MACROD2: variants seen among roughly 807,000 people sequenced by gnomAD.
MACROD2 encodes the protein ADP-ribose glycohydrolase MACROD2.
A neutral mutation model predicts 70.4 loss-of-function variants in MACROD2; 36 were observed. That is an observed-to-expected ratio of 0.51 (90% CI 0.39 to 0.68). The LOEUF (loss-of-function observed/expected upper bound fraction) is 0.68, where lower values mean the gene tolerates loss of function less well. Among genes scored for constraint, MACROD2 ranks in the 30% least tolerant of loss-of-function variants. MACROD2 has a pLI of 0.00. For missense variants in MACROD2, 496 were observed against 538.4 expected (o/e 0.92, Z 0.78); for synonymous variants, 172 against 178.8 (o/e 0.96, Z 0.30).
intron 3 of MACROD2, among the ~76,000 whole-genome samples, chr20:14,167,088 C>T (rs911306488): frequency 2.0e-5 from 3 of 152,078 alleles, no homozygotes; most frequent in Non-Finnish European, 4.4e-5. Context: ...TCTTGATTTT[C>T]TGTTTTTTTT....
At chr20:15,852,417 T>C (rs2064309661) in intron 8 of MACROD2, among the ~76,000 whole-genome samples, 1 of 152,150 alleles carries the variant, frequency 6.6e-6, no homozygotes. Flanking sequence ...AATTTTAAAA[T>C]GCAAAAATGT....
chr20:14,663,232 A>G (rs1044240377), intron 4 of MACROD2, among the ~76,000 whole-genome samples: 1 of 152,110 alleles, frequency 6.6e-6, no homozygotes, highest in African/African-American at 2.4e-5. Flanking sequence ...ACACAGGAAC[A>G]GAAAACCAAA....
intron 5 of MACROD2, among the ~76,000 whole-genome samples, chr20:15,027,162 C>T (rs776423543): frequency 6.6e-6 from 1 of 152,056 alleles, no homozygotes; most frequent in Non-Finnish European, 1.5e-5. Context: ...AGAAAAAGAC[C>T]TTTACTTTCA....
chr20:14,495,629 A>G (rs6135159), intron 4 of MACROD2, among the ~76,000 whole-genome samples: 7 of 152,094 alleles, frequency 4.6e-5, no homozygotes, highest in Middle Eastern at 6.8e-3. Context: ...ATTTCTTTAA[A>G]TATATGTATG....
At chr20:15,080,439 C>T (rs1208169604) in intron 5 of MACROD2, among the ~76,000 whole-genome samples, 1 of 152,162 alleles carries the variant, frequency 6.6e-6, no homozygotes, top group Non-Finnish European at 1.5e-5. Context: ...TCCGAAACAC[C>T]TTGTTCCTTT....
At chr20:15,617,843 A>G (rs891151900) in intron 8 of MACROD2, among the ~76,000 whole-genome samples, 16 of 152,194 alleles carry the variant, frequency 1.1e-4, no homozygotes, top group African/African-American at 3.9e-4. Flanking sequence ...GAGGAAGTTC[A>G]GGGAAGGCTT....
intron 8 of MACROD2, among the ~76,000 whole-genome samples, chr20:15,599,850 A>G (rs1227458653): frequency 6.6e-6 from 1 of 152,126 alleles, no homozygotes; most frequent in Admixed American, 6.5e-5. Flanking sequence ...ACAGAACTCC[A>G]ATTAATCAGT....
rs114279690 is a variant in MACROD2, at chr20:15,290,816, T to C, written c.540+60755T>C. Among the ~76,000 whole-genome samples the C allele has an allele frequency of 4.7e-3, 721 of 152,332 alleles. 2 individuals are homozygous for C. Among genetic ancestry groups the C allele is most frequent in the African/African-American group, 0.016 (664 of 41,560 alleles). On this transcript the variant is annotated intron_variant, in intron 6 of 17. Transcript: ENST00000684519. The stretch of plus-strand genomic sequence containing the variant: ...TTGGGGCCCTGAAATCATTTTGCAA[T>C]GCACCCATCCAGGCAGCCATCCATT...
intron 8 of MACROD2, among the ~76,000 whole-genome samples, chr20:15,831,277 G>A (rs2064053449): frequency 6.6e-6 from 1 of 152,180 alleles, no homozygotes; most frequent in East Asian, 1.9e-4. Flanking sequence ...TAATATCAAG[G>A]AAGGTCAGTC....
rs890911213 is a variant in MACROD2 at position 15,863,310 on chromosome 20, A to G, written c.727+484A>G. On this transcript the variant is annotated intron_variant, in intron 9 of 17. Coordinates refer to ENST00000684519, the MANE Select transcript of MACROD2 (RefSeq NM_001351661.2). ...TTTCTCACTCCAAATTTCAATGCCT[A>G]TAGTAGCACTTCTAGTGCAGTCTGA... Among the ~76,000 whole-genome samples the G allele has an allele frequency of 7.9e-5, 12 of 152,270 alleles. No individual in the cohort carries two copies. The South Asian group carries it at 2.1e-3, about 26-fold the overall frequency.
chr20:14,919,935 C>T (rs1248708571), intron 5 of MACROD2, among the ~76,000 whole-genome samples: 1 of 152,184 alleles, frequency 6.6e-6, no homozygotes, highest in Non-Finnish European at 1.5e-5. Context: ...AGCAATCATT[C>T]TAGTCAGCTT....
At chr20:15,384,438 AT>A (rs1431561505) in intron 6 of MACROD2, among the ~76,000 whole-genome samples, 1 of 152,068 alleles carries the variant, frequency 6.6e-6, no homozygotes, top group African/African-American at 2.4e-5. Context: ...TTAGTTTTGT[AT>A]TTTTAGTAGA....
intron 7 of MACROD2, among the ~76,000 whole-genome samples, chr20:15,482,661 T>G (rs2047113543): frequency 6.6e-6 from 1 of 152,210 alleles, no homozygotes; most frequent in Non-Finnish European, 1.5e-5. Flanking sequence ...TCTAAAGGGC[T>G]GTAACATTTT....
chr20:14,353,097 G>C (rs933082376), intron 3 of MACROD2, among the ~76,000 whole-genome samples: 1 of 152,014 alleles, frequency 6.6e-6, no homozygotes, highest in African/African-American at 2.4e-5. Context: ...AAACAATATG[G>C]ATGTTGATTT....
At chr20:15,279,245 A>G (rs147166891) in intron 6 of MACROD2, among the ~76,000 whole-genome samples, 1 of 152,180 alleles carries the variant, frequency 6.6e-6, no homozygotes, top group Non-Finnish European at 1.5e-5. Flanking sequence ...CAAAAAGGTC[A>G]TGGCATTTTG....
At chr20:14,047,454 C>CAAA (rs11479438) in intron 2 of MACROD2, among the ~76,000 whole-genome samples, 18 of 99,126 alleles carry the variant, frequency 1.8e-4, no homozygotes, top group South Asian at 6.8e-4. Flanking sequence ...GACTCCGTCT[C>CAAA]AAAAAAAAAA....
At chr20:14,374,777 A>G (rs1205152593) in intron 3 of MACROD2, among the ~76,000 whole-genome samples, 4 of 152,180 alleles carry the variant, frequency 2.6e-5, no homozygotes, top group South Asian at 2.1e-4. Flanking sequence ...ATAAATAGGT[A>G]TCCTCACTCC....
intron 13 of MACROD2, among the ~76,000 whole-genome samples, chr20:15,978,573 T>A (rs2066345219): frequency 6.8e-6 from 1 of 146,898 alleles, no homozygotes; most frequent in Non-Finnish European, 1.5e-5. Flanking sequence ...CTTACTCGCC[T>A]GACCTTGGGT....
At chr20:14,353,281 A>G (rs2083141739) in intron 3 of MACROD2, among the ~76,000 whole-genome samples, 1 of 152,160 alleles carries the variant, frequency 6.6e-6, no homozygotes, top group Non-Finnish European at 1.5e-5. Context: ...ACTAGAATTA[A>G]TAATTACTCA....
Sources: gnomAD v4.1 joint callset for allele counts (sites outside exome capture counted in the v4.1 genomes callset) on GRCh38, gnomAD v4.1.1 for gene constraint, MANE v1.5 for transcripts, NCBI Gene and HGNC (gene_info 2026-07-23, HGNC 2026-07-21) for gene names.